The following PLXNA1 variants were observed in gnomAD, a reference collection of about 807,000 sequenced individuals.
The protein encoded by PLXNA1 is plexin-A1.
Under a neutral mutation model 191.7 loss-of-function variants are expected in PLXNA1, and 77 were observed. The ratio of observed to expected loss-of-function variants is 0.40; its 90% CI spans 0.33 to 0.49. PLXNA1 has a LOEUF of 0.49. Among genes scored for constraint, PLXNA1 ranks in the 20% least tolerant of loss-of-function variants. The probability of loss-of-function intolerance (pLI) is 0.63; values close to 1 mark genes in which losing one functional copy is unlikely to be tolerated. For missense variants in PLXNA1, 2,110 were observed against 2,660.2 expected (o/e 0.79, Z 4.55); for synonymous variants, 1,137 against 1,156.4 (o/e 0.98, Z 0.34).
At chr3:127,001,627 C>T (rs781441883) in intron 3 of PLXNA1, among the ~76,000 whole-genome samples, 26 of 152,264 alleles carry the variant, frequency 1.7e-4, no homozygotes, top group Non-Finnish European at 3.1e-4. Context: ...CCTGCCCCAG[C>T]CTCCACCCAG....
intron 3 of PLXNA1, 122 bp from the exon 4 acceptor site, chr3:127,003,208 C>T: frequency 1.7e-6 from 2 of 1,145,988 alleles, no homozygotes; most frequent in Non-Finnish European, 2.4e-6. Context: ...CGCTGGTCCT[C>T]TCTGCTCATG....
At chr3:126,991,179 G>A (rs1047315295) in intron 2 of PLXNA1, among the ~76,000 whole-genome samples, 3 of 152,182 alleles carry the variant, frequency 2.0e-5, no homozygotes, top group South Asian at 4.1e-4. Flanking sequence ...TTGCTTTCTC[G>A]TGCTCTTAGC....
At chr3:127,033,382 C>T (rs1576694879) in intron 31 of PLXNA1, among the ~76,000 whole-genome samples, 1 of 152,160 alleles carries the variant, frequency 6.6e-6, no homozygotes. Flanking sequence ...GCTAAGAAGG[C>T]CACGGGAGTG....
At chr3:127,021,274 C>T (rs1390341248) in intron 21 of PLXNA1, among the ~76,000 whole-genome samples, 4 of 152,222 alleles carry the variant, frequency 2.6e-5, no homozygotes, top group Admixed American at 6.5e-5. Context: ...TCTTTCAGTG[C>T]CTCCATTTGC....
chr3:127,006,650 G>C (rs1440918181), intron 8 of PLXNA1, among the ~76,000 whole-genome samples: 1 of 152,176 alleles, frequency 6.6e-6, no homozygotes, highest in Admixed American at 6.5e-5. Flanking sequence ...ACGGCCCCTG[G>C]GTACCTGCTG....
intron 20 of PLXNA1, among the ~76,000 whole-genome samples, chr3:127,019,451 T>C (rs567406373): frequency 6.6e-6 from 1 of 152,158 alleles, no homozygotes; most frequent in African/African-American, 2.4e-5. Flanking sequence ...GGACCTCCCT[T>C]GTGCTCCCGC....
rs1231417915 is a variant in PLXNA1, at chr3:127,035,630, A to ATT, written c.*1613_*1614insTT. On this transcript the variant is annotated 3_prime_UTR_variant, in exon 32 of 32. Coordinates refer to ENST00000393409, the MANE Select transcript of PLXNA1 (RefSeq NM_032242.4). ...TTTTTTAATTAATCAGTCACTTGTA[A>ATT]AAGCAAACAAGCGGTCCATCCCCTT... The ATT allele has an allele frequency of 5.9e-5, 9 of 152,574 alleles. No individual in the cohort carries two copies. Among genetic ancestry groups the ATT allele is most frequent in the African/African-American group, 2.2e-4 (9 of 41,430 alleles). The allele number at this position is 152,574 out of a possible 1,614,324, so 9.5% of individuals were successfully genotyped here. A position where few individuals can be genotyped will look rare whatever the true frequency, so the allele number is the denominator to read the frequency against.
intron 1 of PLXNA1, among the ~76,000 whole-genome samples, chr3:126,983,765 G>A (rs1298443370): frequency 1.3e-5 from 2 of 152,010 alleles, no homozygotes; most frequent in Non-Finnish European, 2.9e-5. Context: ...CTGGACCTCG[G>A]CTCAGACCTC....
At chr3:126,996,959 G>A (rs2079017514) in intron 3 of PLXNA1, among the ~76,000 whole-genome samples, 1 of 152,202 alleles carries the variant, frequency 6.6e-6, no homozygotes, top group Non-Finnish European at 1.5e-5. Flanking sequence ...TCACGGGAGA[G>A]CATAGGCACC....
In PLXNA1 at chr3:126,988,764, T is replaced by C. The variant is rs918027854; in HGVS notation, c.171T>C (p.His57=). The part of the protein sequence containing the change: ...SDWGLTHLVV[H]EQTGEVYVGA... Reference sequence around the variant, plus strand: ...GGGGCCTCACCCACCTAGTGGTGCATGAGCAGACAGGCGAGGTGTATGTGG... The same window carrying C: ...GGGGCCTCACCCACCTAGTGGTGCACGAGCAGACAGGCGAGGTGTATGTGG... Residue 57 remains histidine (H), a synonymous_variant, in exon 2 of 32, where the codon CAT becomes CAC. Coordinates refer to ENST00000393409, the MANE Select transcript of PLXNA1 (RefSeq NM_032242.4). The C allele has an allele frequency of 1.9e-6, 3 of 1,602,826 alleles. No homozygotes were observed. The highest frequency in any genetic ancestry group is 1.1e-5 in the South Asian group (1 of 89,248).
At chr3:127,017,984 C>T (rs2079133137) in intron 19 of PLXNA1, 92 bp downstream of exon 19, 1 of 1,512,396 alleles carries the variant, frequency 6.6e-7, no homozygotes, top group African/African-American at 1.4e-5. Context: ...CTGACCTTGC[C>T]CGAGACTCAC....
intron 3 of PLXNA1, among the ~76,000 whole-genome samples, chr3:126,996,038 C>T (rs2079013459): frequency 6.6e-6 from 1 of 152,206 alleles, no homozygotes; most frequent in Admixed American, 6.5e-5. Context: ...TGCTGCAGCA[C>T]CTCCTGCAGC....
chr3:126,986,689 G>A (rs1000121034), intron 1 of PLXNA1, among the ~76,000 whole-genome samples: 5 of 152,192 alleles, frequency 3.3e-5, no homozygotes, highest in African/African-American at 9.7e-5. Context: ...GAGAATGGGA[G>A]CAATAAGTAA....
In PLXNA1 at chr3:127,032,471, C is replaced by T. The variant is rs370316510; in HGVS notation, c.5316C>T (p.Cys1772=). Residue 1772 remains cysteine (C), a synonymous_variant, in exon 30 of 32, where the codon TGC becomes TGT. Coordinates refer to ENST00000393409, the MANE Select transcript of PLXNA1 (RefSeq NM_032242.4). ...ACAAGAACAGCATCACGGACGCCTGCTTGTCGGTGGTGGCCCAGACCTTCA... is the reference window on the plus strand; with the variant it reads ...ACAAGAACAGCATCACGGACGCCTGTTTGTCGGTGGTGGCCCAGACCTTCA... ...DIHKNSITDA[C]LSVVAQTFMD... is the part of the protein sequence containing the mutation. The T allele has an allele frequency of 8.1e-6, 13 of 1,613,980 alleles. No individual in the cohort carries two copies. The African/African-American group carries it at 9.3e-5, about 12-fold the overall frequency.
intron 23 of PLXNA1, 146 bp downstream of exon 23, chr3:127,022,964 G>T: frequency 4.2e-6 from 3 of 714,950 alleles, no homozygotes; most frequent in Admixed American, 4.4e-5. Context: ...AAGGCCCCTG[G>T]GCATGCAGCC....
At chr3:127,010,170 A>G (rs1176578915) in intron 9 of PLXNA1, among the ~76,000 whole-genome samples, 5 of 152,078 alleles carry the variant, frequency 3.3e-5, no homozygotes, top group Non-Finnish European at 7.4e-5. Context: ...CACTGGGGAG[A>G]AGGTTGTAAT....
intron 2 of PLXNA1, among the ~76,000 whole-genome samples, chr3:126,990,436 G>T (rs917082051): frequency 7.2e-5 from 11 of 152,232 alleles, no homozygotes; most frequent in African/African-American, 2.7e-4. Flanking sequence ...CTGGGGTGGG[G>T]CCTCTATCTC....
At chr3:127,015,779 G>A (rs2079119779) in intron 15 of PLXNA1, among the ~76,000 whole-genome samples, 1 of 152,102 alleles carries the variant, frequency 6.6e-6, no homozygotes, top group Non-Finnish European at 1.5e-5. Flanking sequence ...AGGGGGCCTG[G>A]TGGCTGTGGG....
intron 15 of PLXNA1, 116 bp downstream of exon 15, chr3:127,015,436 C>A: frequency 7.5e-7 from 1 of 1,336,830 alleles, no homozygotes; most frequent in Admixed American, 2.5e-5. Flanking sequence ...CTGGGGTGAT[C>A]ACTGTGAAAC....
Sources: gnomAD v4.1 joint callset for allele counts (sites outside exome capture counted in the v4.1 genomes callset) on GRCh38, gnomAD v4.1.1 for gene constraint, MANE v1.5 for transcripts, NCBI Gene and HGNC (gene_info 2026-07-23, HGNC 2026-07-21) for gene names.